OSBP: variants seen among roughly 807,000 people sequenced by gnomAD.
OSBP encodes the protein oxysterol binding protein.
Under a neutral mutation model 96.6 loss-of-function variants are expected in OSBP, and 32 were observed. The observed-to-expected ratio is 0.33, with a 90% CI of 0.25 to 0.45. The LOEUF (loss-of-function observed/expected upper bound fraction) is 0.45. Among genes scored for constraint, OSBP ranks in the 20% least tolerant of loss-of-function variants. The probability of loss-of-function intolerance (pLI) is 1.00; values close to 1 mark genes in which losing one functional copy is unlikely to be tolerated. For missense variants in OSBP, 653 were observed against 1,029.7 expected, an observed-to-expected ratio of 0.63 and a Z score of 5.01; for synonymous variants, 369 against 389.6, an observed-to-expected ratio of 0.95 and a Z score of 0.62.
chr11:59,603,777 A>G (rs1034485077), intron 3 of OSBP, among the ~76,000 whole-genome samples: 1 of 151,956 alleles, frequency 6.6e-6, no homozygotes, highest in Non-Finnish European at 1.5e-5. Context: ...GGCTCAAGTG[A>G]TCCACACCTG....
chr11:59,585,192 A>G (rs1209308604), intron 9 of OSBP, among the ~76,000 whole-genome samples: 1 of 151,054 alleles, frequency 6.6e-6, no homozygotes, highest in Non-Finnish European at 1.5e-5. Flanking sequence ...GGAAGTGAGG[A>G]GCGCCTCTTC....
rs764227923 is a variant in OSBP at position 59,615,159 on chromosome 11, C to T, written c.362+144G>A. 2.2e-4 allele frequency: 136 copies of T among 623,588 alleles called. 1 individual carries two copies. The highest frequency in any genetic ancestry group is 3.5e-4 in the Non-Finnish European group (128 of 366,920). The allele number at this position is 623,588 out of a possible 1,614,324, so 38.6% of individuals were successfully genotyped here. On this transcript the variant is annotated intron_variant, in intron 1 of 13. Coordinates refer to ENST00000263847, the MANE Select transcript of OSBP (RefSeq NM_002556.3). ...CACTTTCGTGACAGTGGGCTCCGAC[C>T]CCTGGGCTGTCAATCCGCACAGATG...
chr11:59,578,487 G>A (rs2134650217), intron 11 of OSBP, among the ~76,000 whole-genome samples, 157 bp from the exon 12 acceptor site: 1 of 152,332 alleles, frequency 6.6e-6, no homozygotes, highest in Admixed American at 6.5e-5. Flanking sequence ...ATCTTGCTCT[G>A]TTGCCCAGGC....
rs1270781120 is a variant in OSBP at position 59,576,326 on chromosome 11, A to T, written c.*251T>A. Reference sequence around the variant, plus strand: ...GACTTCGTGGATGTGGAATAACACTAACCTTCGGCCACTAAACCTCTCCCT... The same window carrying T: ...GACTTCGTGGATGTGGAATAACACTTACCTTCGGCCACTAAACCTCTCCCT... On this transcript the variant is annotated 3_prime_UTR_variant, in exon 14 of 14. Coordinates refer to ENST00000263847, the MANE Select transcript of OSBP (RefSeq NM_002556.3). The T allele has an allele frequency of 6.7e-6, 3 of 447,432 alleles. No homozygotes were observed. The highest frequency in any genetic ancestry group is 6.0e-4 in the Middle Eastern group (1 of 1,670). The allele number at this position is 447,432 out of a possible 1,614,324, so 27.7% of individuals were successfully genotyped here.
At chr11:59,597,060 ATTTC>A (rs1354011018) in intron 7 of OSBP, among the ~76,000 whole-genome samples, 1 of 151,880 alleles carries the variant, frequency 6.6e-6, no homozygotes, top group Non-Finnish European at 1.5e-5. Flanking sequence ...CCCAGAAGCT[ATTTC>A]TTTCTTTTTT....
chr11:59,610,784 T>G (rs542790229), intron 1 of OSBP, among the ~76,000 whole-genome samples, 195 bp from the exon 2 acceptor site: 1 of 152,084 alleles, frequency 6.6e-6, no homozygotes, highest in East Asian at 1.9e-4. Flanking sequence ...CTATAAGTGT[T>G]GTTTCTGAGT....
At chr11:59,585,936 G>C (rs1166739489) in intron 9 of OSBP, among the ~76,000 whole-genome samples, 16 of 152,140 alleles carry the variant, frequency 1.1e-4, no homozygotes, top group Non-Finnish European at 2.2e-4. Flanking sequence ...GGCGGTGCAA[G>C]ATGTGCTTTG....
At chr11:59,613,621 TTGAA>T (rs1333017442) in intron 1 of OSBP, among the ~76,000 whole-genome samples, 4 of 152,168 alleles carry the variant, frequency 2.6e-5, no homozygotes, top group African/African-American at 9.7e-5. Context: ...AAACATGAAC[TTGAA>T]TGAGAGAAAA....
At chr11:59,613,551 G>A (rs1860881045) in intron 1 of OSBP, among the ~76,000 whole-genome samples, 1 of 151,986 alleles carries the variant, frequency 6.6e-6, no homozygotes, top group Non-Finnish European at 1.5e-5. Flanking sequence ...ATATTGACTT[G>A]CGACACAAGT....
In OSBP at chr11:59,610,366, T is replaced by G; in HGVS notation, c.571+15A>C. The G allele has an allele frequency of 6.2e-7, 1 of 1,609,814 alleles. No homozygotes were observed. The highest frequency in any genetic ancestry group is 1.1e-5 in the South Asian group (1 of 90,968). On this transcript the variant is annotated intron_variant, in intron 2 of 13. Coordinates refer to ENST00000263847, the MANE Select transcript of OSBP (RefSeq NM_002556.3). The stretch of plus-strand genomic sequence containing the variant: ...AAAAAGAAAGTTCCCCAGGCAGGTG[T>G]TCTTTGTTCCTGACCTGACTCTGCC...
chr11:59,610,366 T>C lies in OSBP; in HGVS notation c.571+15A>G. 6.2e-7 allele frequency: 1 copy of C among 1,609,814 alleles called. No individual in the cohort carries two copies. Among genetic ancestry groups the C allele is most frequent in the Non-Finnish European group, 8.5e-7 (1 of 1,177,558 alleles). ...AAAAAGAAAGTTCCCCAGGCAGGTG[T>C]TCTTTGTTCCTGACCTGACTCTGCC... On this transcript the variant is annotated intron_variant, in intron 2 of 13. Coordinates refer to ENST00000263847, the MANE Select transcript of OSBP (RefSeq NM_002556.3).
At chr11:59,602,405 A>G (rs1190577053) in intron 3 of OSBP, among the ~76,000 whole-genome samples, 1 of 152,216 alleles carries the variant, frequency 6.6e-6, no homozygotes, top group East Asian at 1.9e-4. Flanking sequence ...AAAAAGAAAA[A>G]TATTAGAAGC....
chr11:59,605,976 C>A (rs1474548170), intron 3 of OSBP, among the ~76,000 whole-genome samples: 1 of 152,172 alleles, frequency 6.6e-6, no homozygotes, highest in Non-Finnish European at 1.5e-5. Flanking sequence ...CAAGCTCTAG[C>A]TTGCCTTTCT....
At chr11:59,609,995 T>C (rs932524236) in intron 2 of OSBP, among the ~76,000 whole-genome samples, 1 of 152,150 alleles carries the variant, frequency 6.6e-6, no homozygotes, top group Non-Finnish European at 1.5e-5. Context: ...GGTAGCCAAT[T>C]AAAAGGCAAA....
intron 1 of OSBP, among the ~76,000 whole-genome samples, chr11:59,614,098 C>T (rs977246808): frequency 2.0e-5 from 3 of 152,210 alleles, no homozygotes; most frequent in Non-Finnish European, 4.4e-5. Context: ...GACTTTTATA[C>T]TTTTTGCATA....
chr11:59,587,615 G>C (rs1860516853), intron 9 of OSBP, among the ~76,000 whole-genome samples: 1 of 152,124 alleles, frequency 6.6e-6, no homozygotes, highest in Non-Finnish European at 1.5e-5. Context: ...TTAGATAAAT[G>C]CATGTCAAAC....
chr11:59,603,739 G>C (rs951230100), intron 3 of OSBP, among the ~76,000 whole-genome samples: 13 of 151,964 alleles, frequency 8.6e-5, no homozygotes, highest in African/African-American at 2.7e-4. Context: ...ATTCTGCCAT[G>C]TTGCTCAGGC....
At chr11:59,579,291 T>TTATTAGTCC (rs1212828285) in intron 11 of OSBP, among the ~76,000 whole-genome samples, 54 of 152,186 alleles carry the variant, frequency 3.5e-4, no homozygotes, top group African/African-American at 1.3e-3. Context: ...CTGAAATCTT[T>TTATTAGTCC]TATTAGTCCT....
At chr11:59,582,131 G>A (rs1590667476) in intron 9 of OSBP, among the ~76,000 whole-genome samples, 1 of 152,302 alleles carries the variant, frequency 6.6e-6, no homozygotes, top group East Asian at 1.9e-4. Context: ...TTTCCCAAGT[G>A]ACAGGAATAT....
Sources: allele counts gnomAD v4.1 joint callset (sites outside exome capture counted in the v4.1 genomes callset), GRCh38; gene constraint gnomAD v4.1.1; transcripts MANE v1.5; gene names NCBI Gene and HGNC (gene_info 2026-07-23, HGNC 2026-07-21).